Variants in PHF3 observed in about 807,000 individuals in gnomAD.
The protein encoded by PHF3 is PHD finger protein 3.
PHF3 carries 41 observed loss-of-function variants against 178.4 expected under a neutral mutation model. The ratio of observed to expected loss-of-function variants is 0.23; its 90% CI spans 0.18 to 0.30. The LOEUF is 0.30. Among genes scored for constraint, PHF3 ranks in the 10% least tolerant of loss-of-function variants. PHF3 has a pLI of 1.00. For synonymous variants in PHF3, 842 were observed against 800.5 expected (o/e 1.05, Z -0.88); for missense variants, 2,346 against 2,398.1 (o/e 0.98, Z 0.45).
At chr6:63,699,168 T>C (rs768926982) in intron 8 of PHF3, among the ~76,000 whole-genome samples, 3 of 152,214 alleles carry the variant, frequency 2.0e-5, no homozygotes, top group Non-Finnish European at 4.4e-5. Flanking sequence ...AGAGGAAATC[T>C]AAAGGCTGTG....
At chr6:63,657,209 T>C (rs1008378510) in intron 2 of PHF3, among the ~76,000 whole-genome samples, 2 of 152,244 alleles carry the variant, frequency 1.3e-5, no homozygotes, top group African/African-American at 4.8e-5. Context: ...TTTTGACAAA[T>C]ATTTTACTGT....
At chr6:63,693,179 C>G (rs1438301704) in intron 5 of PHF3, among the ~76,000 whole-genome samples, 1 of 152,158 alleles carries the variant, frequency 6.6e-6, no homozygotes, top group African/African-American at 2.4e-5. Flanking sequence ...TATAGCATGT[C>G]TTTGGAAAAC....
At chr6:63,683,034 A>G (rs1766507404) in intron 3 of PHF3, among the ~76,000 whole-genome samples, 1 of 152,100 alleles carries the variant, frequency 6.6e-6, no homozygotes, top group Non-Finnish European at 1.5e-5. Flanking sequence ...AATATGTGAT[A>G]AATAGTTCAT....
intron 9 of PHF3, 116 bp from the exon 10 acceptor site, chr6:63,702,392 A>ATT (rs1767513071): frequency 1.6e-6 from 1 of 643,888 alleles, no homozygotes; most frequent in Non-Finnish European, 2.5e-6. Flanking sequence ...TTACCTTAAG[A>ATT]TTAAAAGTCA....
intron 4 of PHF3, 74 bp from the exon 5 acceptor site, chr6:63,691,663 A>G: frequency 7.9e-7 from 1 of 1,272,912 alleles, no homozygotes; most frequent in Middle Eastern, 1.9e-4. Context: ...TGAAAATTTA[A>G]TTTAGCCTCA....
At position 63,657,172 on chromosome 6, in the gene PHF3, A is replaced by G. The variant is rs570821663; in HGVS notation, c.244+10377A>G. Among the ~76,000 whole-genome samples the G allele has an allele frequency of 3.3e-5, 5 of 152,290 alleles. No homozygotes were observed. The South Asian group carries it at 1.0e-3, about 32-fold the overall frequency. On this transcript the variant is annotated intron_variant, in intron 2 of 15. Transcript: ENST00000262043. ...TATGTCTTTCTAGATGCTTATTGCC[A>G]TATTTTCCACCTCTTTGGATATTTC...
intron 2 of PHF3, among the ~76,000 whole-genome samples, chr6:63,654,068 G>C (rs11756799): frequency 0.078 from 11,899 of 152,122 alleles, 539 homozygotes; most frequent in East Asian, 0.16. Context: ...AGGGATATTG[G>C]CCTCTAATTT....
At chr6:63,698,734 A>T (rs1034895990) in intron 8 of PHF3, 129 bp downstream of exon 8, 27 of 612,002 alleles carry the variant, frequency 4.4e-5, no homozygotes, top group Non-Finnish European at 6.9e-5. Context: ...GATGTAGAAC[A>T]TGTAATTTTA....
rs372888422 is a variant in PHF3, at chr6:63,712,228, C to T, written c.4640C>T (p.Ser1547Phe). 165 of 1,613,866 alleles carry T rather than the reference C, an allele frequency of 1.0e-4. No homozygotes were observed. Among genetic ancestry groups the T allele is most frequent in the Non-Finnish European group, 1.4e-4 (162 of 1,179,940 alleles). The change falls in exon 16 of 16, where the codon TCC (serine) becomes TTC (phenylalanine). Residue 1547 changes from serine to phenylalanine, a missense_variant. Around this residue, in one of 8 missense-constraint regions of PHF3, gnomAD observed 839 missense variants for 806.9 expected, o/e 1.04. Transcript: ENST00000262043. ...GAAATAGAAACATCAGTAGTAGGGT[C>T]CTCTTCCATTTCTGCAGGGTCTTTG... Reference protein sequence around the residue: ...SAEIETSVVGSSSISAGSLTS... With the variant: ...SAEIETSVVGFSSISAGSLTS...
In PHF3 at chr6:63,714,890, T is replaced by G. The variant is rs919930511; in HGVS notation, c.*1182T>G. 2.6e-5 allele frequency: 4 copies of G among 151,916 alleles called. No individual in the cohort carries two copies. The highest frequency in any genetic ancestry group is 4.4e-5 in the Non-Finnish European group (3 of 67,934). 9.4% of individuals were successfully genotyped at this position (151,916 alleles called of 1,614,324 possible). On this transcript the variant is annotated 3_prime_UTR_variant, in exon 16 of 16. Coordinates refer to ENST00000262043, the MANE Select transcript of PHF3 (RefSeq NM_001370348.2). ...GCCAGTTTTACTTGAAAAAAAAATA[T>G]GAAAACTATTGTTAATTCAAATCTA...
intron 2 of PHF3, among the ~76,000 whole-genome samples, chr6:63,663,223 T>TA (rs898672265): frequency 2.6e-5 from 4 of 152,176 alleles, no homozygotes; most frequent in African/African-American, 9.7e-5. Context: ...TGATGAAAGA[T>TA]AGAGAGCTGC....
Position 63,636,060 on chromosome 6 carries a change from C to T in PHF3, c.-116C>T, listed in dbSNP as rs1764315542. 1 of 393,526 alleles carries T rather than the reference C, an allele frequency of 2.5e-6. No homozygotes were observed. Among genetic ancestry groups the T allele is most frequent in the East Asian group, 3.6e-5 (1 of 27,748 alleles). The allele number at this position is 393,526 out of a possible 1,614,324, so 24.4% of individuals were successfully genotyped here. A position where few individuals can be genotyped will look rare whatever the true frequency, so the allele number is the denominator to read the frequency against. ...TGCGCGTACCCCCTCTCCGCGGCAC[C>T]CACCGGGCCCCCTCCTCCTCCTCTT... On this transcript the variant is annotated 5_prime_UTR_variant, in exon 1 of 16. Coordinates refer to ENST00000262043, the MANE Select transcript of PHF3 (RefSeq NM_001370348.2).
At position 63,696,218 on chromosome 6, in the gene PHF3, A is replaced by G. The variant is rs150127304; in HGVS notation, c.2680+1454A>G. On this transcript the variant is annotated intron_variant, in intron 6 of 15. Transcript: ENST00000262043. ...GGTCTCAAGCATTTCATATAAGGGC[A>G]TACTCAACCTGTATTTAAAATCATG... Among the ~76,000 whole-genome samples the G allele has an allele frequency of 4.6e-5, 7 of 152,376 alleles. No homozygotes were observed. The East Asian group carries it at 1.3e-3, about 29-fold the overall frequency.
chr6:63,678,803 G>T (rs1474796793), intron 2 of PHF3: 1 of 447,632 alleles, frequency 2.2e-6, no homozygotes, highest in East Asian at 7.1e-5. Flanking sequence ...AACTTATGAA[G>T]AATTTTGTTC....
Position 63,717,384 on chromosome 6 carries a change from G to T in PHF3, c.*3676G>T, listed in dbSNP as rs1165437315. ...CTCAGATCCCTGTAACACTGGTCAG[G>T]CTACAACTTACTAATGACTACAAAG... is the stretch of plus-strand genomic sequence containing the variant. On this transcript the variant is annotated 3_prime_UTR_variant, in exon 16 of 16. Coordinates refer to ENST00000262043, the MANE Select transcript of PHF3 (RefSeq NM_001370348.2). 6.6e-6 allele frequency among the ~76,000 whole-genome samples: 1 copy of T among 152,004 alleles called. No homozygotes were observed. The highest frequency in any genetic ancestry group is 1.9e-4 in the East Asian group (1 of 5,188).
Position 63,719,468 on chromosome 6 carries a change from G to A in PHF3, c.*5760G>A, listed in dbSNP as rs941768335. ...TTCACCAAGTCAGTCATATGTTGCCGGTTGCCAAGTGGCAAAATTATCACA... is the reference window on the plus strand; with the variant it reads ...TTCACCAAGTCAGTCATATGTTGCCAGTTGCCAAGTGGCAAAATTATCACA... On this transcript the variant is annotated 3_prime_UTR_variant, in exon 16 of 16. Coordinates refer to ENST00000262043, the MANE Select transcript of PHF3 (RefSeq NM_001370348.2). 1.2e-4 allele frequency among the ~76,000 whole-genome samples: 18 copies of A among 151,940 alleles called. No homozygotes were observed. Among genetic ancestry groups the A allele is most frequent in the Non-Finnish European group, 2.2e-4 (15 of 67,938 alleles).
chr6:63,680,458 G>GTTGC (rs1179141545), intron 3 of PHF3, among the ~76,000 whole-genome samples: 1 of 121,204 alleles, frequency 8.3e-6, no homozygotes, highest in Non-Finnish European at 1.7e-5. Flanking sequence ...ACATGCATAT[G>GTTGC]TTGCTGTTTT....
intron 12 of PHF3, 127 bp downstream of exon 12, chr6:63,706,351 C>T (rs1385235485): frequency 4.5e-6 from 3 of 673,726 alleles, no homozygotes; most frequent in African/African-American, 3.6e-5. Context: ...ACTGTACTTT[C>T]CTGTACTTTG....
In PHF3 at chr6:63,712,152, G is replaced by A. The variant is rs374754291; in HGVS notation, c.4564G>A (p.Glu1522Lys). 1.1e-5 allele frequency: 18 copies of A among 1,613,434 alleles called. No homozygotes were observed. Among genetic ancestry groups the A allele is most frequent in the Non-Finnish European group, 1.5e-5 (18 of 1,179,742 alleles). Reference protein sequence around the residue: ...NVEVTDGENKEIKVKVDNISE... With the variant: ...NVEVTDGENKKIKVKVDNISE... ...GGAAGTAACTGATGGTGAAAACAAGGAGATAAAAGTTAAAGTAGATAATAT... is the reference window on the plus strand; with the variant it reads ...GGAAGTAACTGATGGTGAAAACAAGAAGATAAAAGTTAAAGTAGATAATAT... The change falls in exon 16 of 16, where the codon GAG (glutamate) becomes AAG (lysine). Residue 1522 changes from glutamate to lysine, a missense_variant. Transcript: ENST00000262043.
Sources: gnomAD v4.1 joint callset for allele counts (sites outside exome capture counted in the v4.1 genomes callset) on GRCh38, gnomAD v4.1.1 for gene constraint, gnomAD v4.1.1 regional missense constraint, MANE v1.5 for transcripts, NCBI Gene and HGNC (gene_info 2026-07-23, HGNC 2026-07-21) for gene names.